Variants in RPS6KC1 observed in about 807,000 individuals in gnomAD.
The protein encoded by RPS6KC1 is inactive ribosomal protein S6 kinase delta-1.
Under a neutral mutation model 103.8 loss-of-function variants are expected in RPS6KC1, and 54 were observed. The observed-to-expected ratio is 0.52, with a 90% confidence interval of 0.42 to 0.65. The LOEUF is 0.65. Among genes scored for constraint, RPS6KC1 ranks in the 30% least tolerant of loss-of-function variants. The pLI, the probability that RPS6KC1 is intolerant of heterozygous loss-of-function variation, is 0.00. For synonymous variants in RPS6KC1, 439 were observed against 438.7 expected, an observed-to-expected ratio of 1.00 and a Z score of -0.01; for missense variants, 1,151 against 1,253.8, an observed-to-expected ratio of 0.92 and a Z score of 1.24.
the RPS6KC1 span, among the ~76,000 whole-genome samples, chr1:213,758,837 G>T: frequency 6.6e-6 from 1 of 152,298 alleles, no homozygotes; most frequent in East Asian, 1.9e-4. Context: ...AATGAGCAAA[G>T]AAAGTGGCTT....
At chr1:213,801,428 G>A in the RPS6KC1 span, among the ~76,000 whole-genome samples, 1 of 152,064 alleles carries the variant, frequency 6.6e-6, no homozygotes, top group African/African-American at 2.4e-5. Context: ...TTGGAGACAT[G>A]TAAATGTATA....
At chr1:213,205,452 A>G (rs2093311201) in intron 8 of RPS6KC1, 1 of 855,216 alleles carries the variant, frequency 1.2e-6, no homozygotes, top group Non-Finnish European at 1.4e-6. Flanking sequence ...CTCTTAATCA[A>G]AGCTTTAAGA....
chr1:213,545,873 G>A, the RPS6KC1 span, among the ~76,000 whole-genome samples: 151 of 152,202 alleles, frequency 9.9e-4, no homozygotes, highest in African/African-American at 3.5e-3. Flanking sequence ...GTGTGTTCCC[G>A]GACAGCTCTG....
the RPS6KC1 span, among the ~76,000 whole-genome samples, chr1:213,825,211 T>G: frequency 6.6e-6 from 1 of 152,198 alleles, no homozygotes; most frequent in South Asian, 2.1e-4. Context: ...ATGCACCAAA[T>G]GCTTTCAGGA....
chr1:213,452,207 A>T, the RPS6KC1 span, among the ~76,000 whole-genome samples: 1 of 152,102 alleles, frequency 6.6e-6, no homozygotes, highest in East Asian at 1.9e-4. Context: ...GGCTGAAGAG[A>T]CACTTTAATC....
chr1:213,844,857 T>A, the RPS6KC1 span, among the ~76,000 whole-genome samples: 1 of 152,042 alleles, frequency 6.6e-6, no homozygotes, highest in Middle Eastern at 3.2e-3. Context: ...CTTGCAAAAG[T>A]AAAAAGTATG....
intron 12 of RPS6KC1, among the ~76,000 whole-genome samples, chr1:213,250,062 C>T (rs2094519059): frequency 6.6e-6 from 1 of 152,140 alleles, no homozygotes; most frequent in South Asian, 2.1e-4. Flanking sequence ...GCACTCACGT[C>T]CAGTTCCCCA....
the RPS6KC1 span, among the ~76,000 whole-genome samples, chr1:213,862,402 A>T: frequency 1.2e-4 from 19 of 152,326 alleles, no homozygotes; most frequent in South Asian, 2.1e-4. Context: ...GCCCTGGGCC[A>T]GAGTGCATGC....
In RPS6KC1 at chr1:213,242,218, G is replaced by A. The variant is rs772035358; in HGVS notation, c.2742G>A (p.Val914=). 4 of 1,613,982 alleles carry A rather than the reference G, an allele frequency of 2.5e-6. No homozygotes were observed. The highest frequency in any genetic ancestry group is 3.4e-6 in the Non-Finnish European group (4 of 1,179,898). Residue 914 remains valine, a synonymous_variant, in exon 11 of 15, where the codon GTG becomes GTA. Transcript: ENST00000366960. ...GCIQRWAAEM[V]VALDALHREG... is the part of the protein sequence containing the mutation. Reference sequence around the variant, plus strand: ...TTCAAAGATGGGCAGCTGAAATGGTGGTAGCCCTTGATGCTTTACATAGAG... The same window carrying A: ...TTCAAAGATGGGCAGCTGAAATGGTAGTAGCCCTTGATGCTTTACATAGAG...
At chr1:213,209,695 CAAAAAAA>C (rs60840755) in intron 8 of RPS6KC1, among the ~76,000 whole-genome samples, 7 of 54,152 alleles carry the variant, frequency 1.3e-4, no homozygotes, top group South Asian at 1.3e-3. Flanking sequence ...AACTCCGTCT[CAAAAAAA>C]AAAAAAAAAA....
At chr1:213,339,844 C>T in the RPS6KC1 span, among the ~76,000 whole-genome samples, 7 of 151,894 alleles carry the variant, frequency 4.6e-5, no homozygotes, top group Non-Finnish European at 8.8e-5. Context: ...GGGCAATAGC[C>T]TGAGTTAGAT....
chr1:213,179,887 A>G (rs1014882729), intron 8 of RPS6KC1, among the ~76,000 whole-genome samples: 11 of 152,214 alleles, frequency 7.2e-5, no homozygotes, highest in African/African-American at 2.7e-4. Flanking sequence ...TTTGTTGAAT[A>G]AATGAATTGA....
the RPS6KC1 span, among the ~76,000 whole-genome samples, chr1:213,447,126 A>G: frequency 2.0e-5 from 3 of 151,472 alleles, no homozygotes; most frequent in Non-Finnish European, 4.4e-5. Flanking sequence ...GGAGTGCAGT[A>G]GCACAATCAC....
the RPS6KC1 span, among the ~76,000 whole-genome samples, chr1:213,291,163 A>G: frequency 6.6e-6 from 1 of 152,180 alleles, no homozygotes; most frequent in Non-Finnish European, 1.5e-5. Flanking sequence ...CGGCAACTAA[A>G]AGGCCACATA....
At chr1:213,342,010 T>G in the RPS6KC1 span, among the ~76,000 whole-genome samples, 5 of 152,210 alleles carry the variant, frequency 3.3e-5, no homozygotes, top group African/African-American at 1.2e-4. Flanking sequence ...TGTCAGTGCA[T>G]GTTCATTTCT....
chr1:213,447,104 G>A, the RPS6KC1 span, among the ~76,000 whole-genome samples: 1 of 149,896 alleles, frequency 6.7e-6, no homozygotes, highest in African/African-American at 2.5e-5. Context: ...GTCTCACTCT[G>A]TTGCCCAAGC....
intron 12 of RPS6KC1, among the ~76,000 whole-genome samples, chr1:213,244,487 G>GT (rs1488454204): frequency 1.3e-5 from 2 of 151,860 alleles, no homozygotes; most frequent in Non-Finnish European, 2.9e-5. Context: ...CTGGTTCCTA[G>GT]TAAGTGTATA....
At chr1:213,752,477 C>T in the RPS6KC1 span, among the ~76,000 whole-genome samples, 1 of 152,146 alleles carries the variant, frequency 6.6e-6, no homozygotes, top group Non-Finnish European at 1.5e-5. Context: ...ACTAACTTCA[C>T]ATGTAGGTAC....
At chr1:213,316,631 T>C in the RPS6KC1 span, among the ~76,000 whole-genome samples, 1 of 151,910 alleles carries the variant, frequency 6.6e-6, no homozygotes, top group Non-Finnish European at 1.5e-5. Flanking sequence ...AACAAATTAA[T>C]AAGCAAATAG....
Sources: allele counts gnomAD v4.1 joint callset (sites outside exome capture counted in the v4.1 genomes callset), GRCh38; gene constraint gnomAD v4.1.1; transcripts MANE v1.5; gene names NCBI Gene and HGNC (gene_info 2026-07-23, HGNC 2026-07-21).